Variants in CLPTM1L observed in about 807,000 individuals in gnomAD.
CLPTM1L encodes the protein CLPTM1 like, also known as lipid scramblase CLPTM1L.
In CLPTM1L, 38 loss-of-function variants were observed where a neutral mutation model predicts 70.9. The observed-to-expected ratio is 0.54, with a 90% CI of 0.41 to 0.70. The LOEUF is 0.70. CLPTM1L is among the 30% of genes least tolerant of loss of function. The probability of loss-of-function intolerance (pLI) is 0.00; values close to 1 mark genes in which losing one functional copy is unlikely to be tolerated. For missense variants in CLPTM1L, 652 were observed against 705.9 expected (o/e 0.92, Z 0.87); for synonymous variants, 339 against 299.9 (o/e 1.13, Z -1.35).
intron 15 of CLPTM1L, 24 bp from the exon 16 acceptor site, chr5:1,320,755 G>T: frequency 1.5e-6 from 2 of 1,361,502 alleles, no homozygotes; most frequent in Non-Finnish European, 2.0e-6. Flanking sequence ...CGGGAGGAGG[G>T]TGAACCCCAG....
At chr5:1,326,267 A>G in intron 9 of CLPTM1L, 1 of 255,796 alleles carries the variant, frequency 3.9e-6, no homozygotes, top group Non-Finnish European at 7.5e-6. Flanking sequence ...GTACCTATGG[A>G]GGGACCCTGC....
intron 7 of CLPTM1L, among the ~76,000 whole-genome samples, chr5:1,333,070 G>A (rs1342691902): frequency 1.3e-4 from 14 of 110,388 alleles, no homozygotes; most frequent in African/African-American, 3.2e-4. Context: ...GGATAAGGGG[G>A]GACTACTGTA....
chr5:1,338,718 G>A (rs1579652091), intron 4 of CLPTM1L, 142 bp downstream of exon 4: 1 of 883,180 alleles, frequency 1.1e-6, no homozygotes, highest in Non-Finnish European at 1.7e-6. Flanking sequence ...ATGAGGAAGT[G>A]GGAAAGAGCT....
chr5:1,322,507 G>C (rs903709267), intron 13 of CLPTM1L, among the ~76,000 whole-genome samples: 2 of 152,238 alleles, frequency 1.3e-5, no homozygotes, highest in African/African-American at 4.8e-5. Flanking sequence ...AGGTTTCCTT[G>C]TTTCCATGAA....
chr5:1,333,758 T>G (rs80164213), intron 7 of CLPTM1L, among the ~76,000 whole-genome samples: 70 of 57,822 alleles, frequency 1.2e-3, no homozygotes, highest in African/African-American at 2.1e-3. Context: ...GACTACTGTA[T>G]ACACACCGGA....
In CLPTM1L at chr5:1,320,581, C is replaced by T. The variant is rs201457465; in HGVS notation, c.1532+35G>A. ...TTCAGCAGCAGCCACGCCGCTGAGA[C>T]GGAGCAACGGCCGAGCATACGCAGC... On this transcript the variant is annotated intron_variant, in intron 16 of 16. Coordinates refer to ENST00000320895, the MANE Select transcript of CLPTM1L (RefSeq NM_030782.5). 6.8e-5 allele frequency: 84 copies of T among 1,237,012 alleles called. No homozygotes were observed. The African/African-American group carries it at 8.7e-4, about 13-fold the overall frequency. 76.6% of individuals were successfully genotyped at this position (1,237,012 alleles called of 1,614,324 possible). A position where few individuals can be genotyped will look rare whatever the true frequency, so the allele number is the denominator to read the frequency against.
chr5:1,329,236 G>C (rs1752905518), intron 9 of CLPTM1L, among the ~76,000 whole-genome samples: 1 of 152,250 alleles, frequency 6.6e-6, no homozygotes. Context: ...CTGAGCTCCG[G>C]AACAACCAAG....
At chr5:1,337,878 A>C (rs1753678807) in intron 5 of CLPTM1L, 26 bp downstream of exon 5, 1 of 1,559,770 alleles carries the variant, frequency 6.4e-7, no homozygotes, top group South Asian at 1.2e-5. Flanking sequence ...CCAGCTGCAC[A>C]ACCAGCGGGC....
At chr5:1,325,996 C>T (rs1752510534) in intron 9 of CLPTM1L, 180 bp from the exon 10 acceptor site, 2 of 590,320 alleles carry the variant, frequency 3.4e-6, no homozygotes, top group Non-Finnish European at 6.1e-6. Context: ...GGCCTCTAAC[C>T]CACACACGGC....
Position 1,325,790 on chromosome 5 carries a change from C to T in CLPTM1L, c.1107G>A (p.Lys369=). The change falls in exon 10 of 17, where the codon AAG becomes AAA. Residue 369 remains lysine, a synonymous_variant. Transcript: ENST00000320895. ...TCAGGCCTCTCCAAAAAATAGTCAT[C>T]TTCAATGCCTTCTTCACTTTCCACA... is the stretch of plus-strand genomic sequence containing the variant. The part of the protein sequence containing the change: ...IELWKVKKAL[K]MTIFWRGLMP... The T allele has an allele frequency of 6.2e-7, 1 of 1,614,024 alleles. No individual in the cohort carries two copies. Among genetic ancestry groups the T allele is most frequent in the Non-Finnish European group, 8.5e-7 (1 of 1,179,928 alleles).
intron 5 of CLPTM1L, among the ~76,000 whole-genome samples, chr5:1,335,606 A>C (rs1037974730): frequency 4.6e-5 from 7 of 152,274 alleles, no homozygotes; most frequent in African/African-American, 1.7e-4. Flanking sequence ...ACAGCCCTGC[A>C]GCACATGGGC....
At chr5:1,328,147 A>G (rs148851601) in intron 9 of CLPTM1L, among the ~76,000 whole-genome samples, 1 of 3,684 alleles carries the variant, frequency 2.7e-4, no homozygotes, top group African/African-American at 1.7e-3. Context: ...CTCCTCCTCT[A>G]CAGACACATT....
At chr5:1,322,446 G>A (rs1242949406) in intron 13 of CLPTM1L, among the ~76,000 whole-genome samples, 1 of 152,218 alleles carries the variant, frequency 6.6e-6, no homozygotes, top group Non-Finnish European at 1.5e-5. Flanking sequence ...AGAGCCTGGT[G>A]CTTCCATTTG....
chr5:1,325,896 G>GCAGCAGGTCCTACCCGT, intron 9 of CLPTM1L, 80 bp from the exon 10 acceptor site: 2 of 1,232,230 alleles, frequency 1.6e-6, no homozygotes, highest in Non-Finnish European at 2.4e-6. Context: ...ACAGTAACGG[G>GCAGCAGGTCCTACCCGT]TAGGACCTGC....
Position 1,341,823 on chromosome 5 carries a change from T to C in CLPTM1L, c.301A>G (p.Asn101Asp). The change falls in exon 3 of 17, where the codon AAT (asparagine) becomes GAT (aspartate). Residue 101 changes from asparagine to aspartate, a missense_variant. Asn to Asp is a conservative substitution (Grantham distance 23). Around this residue, in one of 3 missense-constraint regions of CLPTM1L, gnomAD observed 402 missense variants for 388.2 expected, o/e 1.04. Coordinates refer to ENST00000320895, the MANE Select transcript of CLPTM1L (RefSeq NM_030782.5). The stretch of plus-strand genomic sequence containing the variant: ...AAGATGTAGGCATACAGCGTCCCAT[T>C]GTTTCTCGTTTTCTTTGGTACAGAA... ...NVSVPKKTRNNGTLYAYIFLH... is the reference protein window; with the variant it reads ...NVSVPKKTRNDGTLYAYIFLH... 6.2e-7 allele frequency: 1 copy of C among 1,614,016 alleles called. No individual in the cohort carries two copies. The highest frequency in any genetic ancestry group is 1.7e-5 in the Admixed American group (1 of 60,006).
intron 7 of CLPTM1L, among the ~76,000 whole-genome samples, chr5:1,332,946 ATATACACT>A (rs1753206449): frequency 6.6e-6 from 1 of 151,820 alleles, no homozygotes; most frequent in Non-Finnish European, 1.5e-5. Flanking sequence ...GGACTACTGT[ATATACACT>A]GGATGAGAAC....
chr5:1,333,992 T>C (rs1408826979), intron 7 of CLPTM1L, among the ~76,000 whole-genome samples: 1 of 152,146 alleles, frequency 6.6e-6, no homozygotes, highest in East Asian at 1.9e-4. Context: ...GTGTGGACAC[T>C]GCTCAGAGTA....
intron 7 of CLPTM1L, among the ~76,000 whole-genome samples, 159 bp downstream of exon 7, chr5:1,334,130 G>A (rs952935756): frequency 2.0e-5 from 3 of 152,166 alleles, no homozygotes; most frequent in African/African-American, 7.2e-5. Context: ...ATGGTCGCCT[G>A]GTGTCAGGCG....
intron 9 of CLPTM1L, among the ~76,000 whole-genome samples, chr5:1,329,759 G>A (rs1380438329): frequency 1.1e-3 from 76 of 71,518 alleles, no homozygotes; most frequent in African/African-American, 1.5e-3. Context: ...TGGTGGACAG[G>A]GCCTCAGGAC....
Sources: allele counts gnomAD v4.1 joint callset (sites outside exome capture counted in the v4.1 genomes callset), GRCh38; gene constraint gnomAD v4.1.1; regional missense constraint gnomAD v4.1.1; transcripts MANE v1.5; gene names NCBI Gene and HGNC (gene_info 2026-07-23, HGNC 2026-07-21).